Variants in SLC2A12 observed in about 807,000 individuals in gnomAD.
SLC2A12 encodes solute carrier family 2 member 12, also known as solute carrier family 2, facilitated glucose transporter member 12.
In SLC2A12, 23 loss-of-function variants were observed where a neutral mutation model predicts 41.8. The ratio of observed to expected loss-of-function variants is 0.55; its 90% CI spans 0.40 to 0.78. The LOEUF is 0.78. SLC2A12 is among the 30% of genes least tolerant of loss of function. The pLI, the probability that SLC2A12 is intolerant of heterozygous loss-of-function variation, is 0.00. For synonymous variants in SLC2A12, 295 were observed against 285.9 expected, an observed-to-expected ratio of 1.03 and a Z score of -0.32; for missense variants, 654 against 745.6, an observed-to-expected ratio of 0.88 and a Z score of 1.43.
At chr6:134,015,399 C>T (rs1198150135) in intron 2 of SLC2A12, among the ~76,000 whole-genome samples, 7 of 152,074 alleles carry the variant, frequency 4.6e-5, no homozygotes, top group Non-Finnish European at 1.5e-5. Flanking sequence ...ATCTGTGCAG[C>T]AAACGACCAT....
intron 1 of SLC2A12, among the ~76,000 whole-genome samples, chr6:134,048,801 A>T (rs183610089): frequency 1.4e-4 from 21 of 152,286 alleles, no homozygotes; most frequent in African/African-American, 4.3e-4. Flanking sequence ...TGCCCAAGGT[A>T]ACTGGCCTCT....
chr6:134,041,860 T>G (rs1316840836), intron 1 of SLC2A12, among the ~76,000 whole-genome samples: 2 of 152,094 alleles, frequency 1.3e-5, no homozygotes, highest in Non-Finnish European at 2.9e-5. Flanking sequence ...ACCTGGAGAA[T>G]AAACCCGCAG....
At position 134,043,960 on chromosome 6, in the gene SLC2A12, T is replaced by G. The variant is rs569337223; in HGVS notation, c.103+8418A>C. ...CCAGCTTCAGATTCCTTTGTCATCC[T>G]CTTTCCCTGCTTTGAACTCTGTGCT... On this transcript the variant is annotated intron_variant, in intron 1 of 4. Coordinates refer to ENST00000275230, the MANE Select transcript of SLC2A12 (RefSeq NM_145176.3). Among the ~76,000 whole-genome samples, 49 of 152,290 alleles carry G rather than the reference T, an allele frequency of 3.2e-4. No individual in the cohort carries two copies. The South Asian group carries it at 5.6e-3, about 17-fold the overall frequency.
Position 133,989,171 on chromosome 6 carries a change from C to T in SLC2A12, c.*1984G>A, listed in dbSNP as rs1019820861. 2.0e-5 allele frequency: 3 copies of T among 152,136 alleles called. No homozygotes were observed. The highest frequency in any genetic ancestry group is 7.2e-5 in the African/African-American group (3 of 41,430). 9.4% of individuals were successfully genotyped at this position (152,136 alleles called of 1,614,324 possible). On this transcript the variant is annotated 3_prime_UTR_variant, in exon 5 of 5. Transcript: ENST00000275230. ...TGAGTGCTCTGATGTCTTCTGCTGG[C>T]TCTCCATAAGTACTGTAAATTTTTT...
intron 4 of SLC2A12, among the ~76,000 whole-genome samples, chr6:133,998,614 C>T (rs1177571751): frequency 6.6e-6 from 1 of 152,238 alleles, no homozygotes; most frequent in Admixed American, 6.5e-5. Context: ...AATCACAGCT[C>T]ACTGCAGCCT....
chr6:134,044,753 A>AT (rs34896875), intron 1 of SLC2A12, among the ~76,000 whole-genome samples: 34,195 of 147,250 alleles, frequency 0.23, 4,015 homozygotes, highest in Non-Finnish European at 0.24. Context: ...TCTTAGATAC[A>AT]TTTTTTTTTA....
chr6:134,007,627 T>A (rs1776831407), intron 2 of SLC2A12, among the ~76,000 whole-genome samples: 1 of 152,200 alleles, frequency 6.6e-6, no homozygotes, highest in Admixed American at 6.5e-5. Context: ...CAGGGAACAT[T>A]ATGGGGCTTG....
intron 1 of SLC2A12, among the ~76,000 whole-genome samples, chr6:134,031,246 C>T (rs928232690): frequency 6.6e-6 from 1 of 152,004 alleles, no homozygotes; most frequent in Non-Finnish European, 1.5e-5. Flanking sequence ...ACAAAAATAG[C>T]TGGGCATGAT....
At chr6:134,050,226 G>A (rs1193828741) in intron 1 of SLC2A12, among the ~76,000 whole-genome samples, 1 of 151,860 alleles carries the variant, frequency 6.6e-6, no homozygotes, top group African/African-American at 2.4e-5. Context: ...ATTGCTTTTG[G>A]GTGCCAAAAG....
intron 2 of SLC2A12, chr6:134,009,084 A>G (rs1380109342): frequency 6.6e-6 from 1 of 152,186 alleles, no homozygotes; most frequent in Non-Finnish European, 1.5e-5. Flanking sequence ...AAATGAGTTG[A>G]TCCTGCTGTG....
intron 1 of SLC2A12, among the ~76,000 whole-genome samples, chr6:134,048,830 C>T (rs1042121655): frequency 6.6e-6 from 1 of 152,178 alleles, no homozygotes; most frequent in Non-Finnish European, 1.5e-5. Flanking sequence ...TCTGTCTTCT[C>T]ACAACCAAAG....
chr6:134,004,804 T>C (rs765077887), intron 3 of SLC2A12, among the ~76,000 whole-genome samples: 3 of 152,212 alleles, frequency 2.0e-5, no homozygotes, highest in Non-Finnish European at 4.4e-5. Flanking sequence ...GAAATTTCTC[T>C]TTAGAGAGGT....
At chr6:134,036,331 GCT>G (rs1382993906) in intron 1 of SLC2A12, among the ~76,000 whole-genome samples, 1 of 152,024 alleles carries the variant, frequency 6.6e-6, no homozygotes, top group Non-Finnish European at 1.5e-5. Context: ...CCCTTCCTGT[GCT>G]CTTTCTCCCT....
At position 134,052,450 on chromosome 6, in the gene SLC2A12, T is replaced by C; in HGVS notation, c.31A>G (p.Ser11Gly). 6.2e-7 allele frequency: 1 copy of C among 1,613,522 alleles called. No homozygotes were observed. The highest frequency in any genetic ancestry group is 8.5e-7 in the Non-Finnish European group (1 of 1,180,020). Reference protein sequence around the residue: MVPVENTEGPSLLNQKGTAVE... With the variant: MVPVENTEGPGLLNQKGTAVE... ...GCTGTCCCCTTCTGGTTCAGCAGAC[T>C]GGGGCCCTCGGTGTTTTCAACAGGT... The change falls in exon 1 of 5, where the codon AGT (serine) becomes GGT (glycine). Residue 11 changes from serine (S) to glycine (G), a missense_variant. Coordinates refer to ENST00000275230, the MANE Select transcript of SLC2A12 (RefSeq NM_145176.3).
At chr6:134,030,456 C>G (rs1235746057) in intron 1 of SLC2A12, among the ~76,000 whole-genome samples, 1 of 152,094 alleles carries the variant, frequency 6.6e-6, no homozygotes, top group African/African-American at 2.4e-5. Context: ...ACAGGCAGAA[C>G]AAGGAGAATT....
chr6:133,991,863 T>TA (rs908470490), intron 4 of SLC2A12, among the ~76,000 whole-genome samples: 8 of 152,170 alleles, frequency 5.3e-5, no homozygotes, highest in Non-Finnish European at 1.0e-4. Flanking sequence ...GTTGAGTAGA[T>TA]AAAGACTTCT....
intron 4 of SLC2A12, among the ~76,000 whole-genome samples, chr6:133,993,396 A>G (rs957918147): frequency 1.3e-5 from 2 of 152,210 alleles, no homozygotes; most frequent in Admixed American, 1.3e-4. Flanking sequence ...GTCCTCTCTC[A>G]GGCTTCTGCA....
At chr6:134,012,632 C>CA (rs1184060695) in intron 2 of SLC2A12, among the ~76,000 whole-genome samples, 1 of 152,118 alleles carries the variant, frequency 6.6e-6, no homozygotes, top group Non-Finnish European at 1.5e-5. Flanking sequence ...CTGTGGAACT[C>CA]AAATACCATA....
chr6:133,993,995 G>C (rs1234519027), intron 4 of SLC2A12, among the ~76,000 whole-genome samples: 2 of 152,166 alleles, frequency 1.3e-5, no homozygotes, highest in Non-Finnish European at 2.9e-5. Context: ...GGTCATTCTG[G>C]CCACTGTGTA....
Sources: allele counts gnomAD v4.1 joint callset (sites outside exome capture counted in the v4.1 genomes callset), GRCh38; gene constraint gnomAD v4.1.1; transcripts MANE v1.5; gene names NCBI Gene and HGNC (gene_info 2026-07-23, HGNC 2026-07-21).